Variants in ADAM22 observed in about 807,000 individuals in gnomAD.
ADAM22 encodes the protein disintegrin and metalloproteinase domain-containing protein 22.
ADAM22 carries 65 observed loss-of-function variants against 144.6 expected under a neutral mutation model. That is an observed-to-expected ratio of 0.45 (90% confidence interval 0.37 to 0.55). The LOEUF (loss-of-function observed/expected upper bound fraction) is 0.55. Among genes scored for constraint, ADAM22 ranks in the 20% least tolerant of loss-of-function variants. The pLI is 0.00. For synonymous variants in ADAM22, 391 were observed against 412.6 expected (o/e 0.95, Z 0.63); for missense variants, 974 against 1,184.9 (o/e 0.82, Z 2.61).
rs1586703896 is a variant in ADAM22 at position 88,201,804 on chromosome 7, T to G, written c.*5313T>G. ...AGACGAATTCTTAAGATAATGCACATACAGAATCATCAATAAAGTTTCAAA... is the reference window on the plus strand; with the variant it reads ...AGACGAATTCTTAAGATAATGCACAGACAGAATCATCAATAAAGTTTCAAA... On this transcript the variant is annotated 3_prime_UTR_variant, in exon 32 of 32. Coordinates refer to ENST00000413139, the MANE Select transcript of ADAM22 (RefSeq NM_001324418.2). The G allele has an allele frequency of 6.6e-6, 1 of 152,210 alleles. No homozygotes were observed. The highest frequency in any genetic ancestry group is 2.4e-5 in the African/African-American group (1 of 41,458). 9.4% of individuals were successfully genotyped at this position (152,210 alleles called of 1,614,324 possible). A position where few individuals can be genotyped will look rare whatever the true frequency, so the allele number is the denominator to read the frequency against.
At chr7:87,964,699 A>C (rs756645879) in intron 2 of ADAM22, 1 of 383,042 alleles carries the variant, frequency 2.6e-6, no homozygotes, top group Non-Finnish European at 5.0e-6. Context: ...TGCAGTACCT[A>C]TAACAAAAAT....
At chr7:88,030,972 C>T (rs995642009) in intron 3 of ADAM22, among the ~76,000 whole-genome samples, 12 of 152,040 alleles carry the variant, frequency 7.9e-5, no homozygotes, top group Admixed American at 3.9e-4. Flanking sequence ...AAAAATTAGC[C>T]GGGCGTGGTG....
Position 88,186,458 on chromosome 7 carries a change from T to C in ADAM22, c.2664-157T>C, listed in dbSNP as rs1339417837. ...AGCTGAGATTATTCTCATGTCATTG[T>C]ATAGACTGCCTCATAATCACCCAAC... On this transcript the variant is annotated intron_variant, in intron 29 of 31. Transcript: ENST00000413139. 5 of 682,224 alleles carry C rather than the reference T, an allele frequency of 7.3e-6. 1 individual carries two copies. Among genetic ancestry groups the C allele is most frequent in the East Asian group, 5.1e-5 (2 of 39,114 alleles). 42.3% of individuals were successfully genotyped at this position (682,224 alleles called of 1,614,324 possible).
At chr7:88,023,702 G>A (rs1299414195) in intron 3 of ADAM22, among the ~76,000 whole-genome samples, 5 of 152,040 alleles carry the variant, frequency 3.3e-5, no homozygotes, top group Non-Finnish European at 4.4e-5. Flanking sequence ...CACTGCCCCC[G>A]GCTTAGTTAT....
rs142184303 is a variant in ADAM22, at chr7:88,020,660, C to T, written c.323+42248C>T. On this transcript the variant is annotated intron_variant, in intron 3 of 31. Coordinates refer to ENST00000413139, the MANE Select transcript of ADAM22 (RefSeq NM_001324418.2). Reference sequence around the variant, plus strand: ...AAACCTTTGACCTCTTCCACTGCATCGCGGTGGAATAGGCCCAGGCAGTCC... The same window carrying T: ...AAACCTTTGACCTCTTCCACTGCATTGCGGTGGAATAGGCCCAGGCAGTCC... 2.4e-3 allele frequency among the ~76,000 whole-genome samples: 359 copies of T among 152,248 alleles called. 1 individual carries two copies. Among genetic ancestry groups the T allele is most frequent in the African/African-American group, 8.3e-3 (344 of 41,538 alleles).
At chr7:88,161,107 A>T (rs1414189225) in intron 22 of ADAM22, among the ~76,000 whole-genome samples, 1 of 151,986 alleles carries the variant, frequency 6.6e-6, no homozygotes, top group Non-Finnish European at 1.5e-5. Flanking sequence ...AACTTAAAGT[A>T]TAAGAATAAT....
intron 3 of ADAM22, among the ~76,000 whole-genome samples, chr7:88,040,847 A>G (rs753274984): frequency 6.6e-6 from 1 of 151,902 alleles, no homozygotes; most frequent in Non-Finnish European, 1.5e-5. Context: ...AGAGTCATTC[A>G]AGGTTGTTGG....
At chr7:87,993,062 A>C (rs530766111) in intron 3 of ADAM22, among the ~76,000 whole-genome samples, 1 of 152,266 alleles carries the variant, frequency 6.6e-6, no homozygotes, top group South Asian at 2.1e-4. Flanking sequence ...CCAAACAAGG[A>C]ATCTATTGGC....
At chr7:88,195,884 A>T (rs1436511860) in intron 31 of ADAM22, among the ~76,000 whole-genome samples, 1 of 152,066 alleles carries the variant, frequency 6.6e-6, no homozygotes, top group Non-Finnish European at 1.5e-5. Flanking sequence ...CAAGTGGGTG[A>T]TGGTGGAATT....
At chr7:88,064,867 A>G (rs1810820199) in intron 3 of ADAM22, among the ~76,000 whole-genome samples, 1 of 152,136 alleles carries the variant, frequency 6.6e-6, no homozygotes, top group African/African-American at 2.4e-5. Context: ...GCATGTTGTT[A>G]TGTGGATCAG....
chr7:88,103,492 G>A lies in ADAM22; in HGVS notation c.391-4684G>A, dbSNP rs114396604. Among the ~76,000 whole-genome samples, 692 of 151,956 alleles carry A rather than the reference G, an allele frequency of 4.6e-3. 7 individuals are homozygous for A. The highest frequency in any genetic ancestry group is 0.016 in the African/African-American group (649 of 41,454). On this transcript the variant is annotated intron_variant, in intron 4 of 31. Coordinates refer to ENST00000413139, the MANE Select transcript of ADAM22 (RefSeq NM_001324418.2). ...ACCAATAATAGACATATAAACTATC[G>A]TCTTCATTTTTATAGAGGTAGATTT...
chr7:87,999,880 G>A (rs1426045259), intron 3 of ADAM22, among the ~76,000 whole-genome samples: 2 of 151,962 alleles, frequency 1.3e-5, no homozygotes, highest in Non-Finnish European at 2.9e-5. Context: ...AGAGGCTGAG[G>A]TCGAAGGAGA....
intron 17 of ADAM22, among the ~76,000 whole-genome samples, chr7:88,148,107 G>A (rs1464124440): frequency 6.6e-6 from 1 of 152,148 alleles, no homozygotes; most frequent in African/African-American, 2.4e-5. Flanking sequence ...GGAACAGCAG[G>A]AGACTCAAAT....
At chr7:88,127,906 T>C (rs1276161379) in intron 8 of ADAM22, among the ~76,000 whole-genome samples, 1 of 152,104 alleles carries the variant, frequency 6.6e-6, no homozygotes, top group Non-Finnish European at 1.5e-5. Flanking sequence ...CTTTTCCCTG[T>C]AACTTTCATT....
In ADAM22 at chr7:88,037,356, G is replaced by C. The variant is rs550779790; in HGVS notation, c.324-38270G>C. On this transcript the variant is annotated intron_variant, in intron 3 of 31. Coordinates refer to ENST00000413139, the MANE Select transcript of ADAM22 (RefSeq NM_001324418.2). Reference sequence around the variant, plus strand: ...TAATTTTAATTCTTATTCTTCATTGGACCTATCTTATGCGTTCTACAAAAT... The same window carrying C: ...TAATTTTAATTCTTATTCTTCATTGCACCTATCTTATGCGTTCTACAAAAT... 2.0e-5 allele frequency among the ~76,000 whole-genome samples: 3 copies of C among 151,794 alleles called. No individual in the cohort carries two copies. The East Asian group carries it at 5.8e-4, about 29-fold the overall frequency.
chr7:88,063,914 G>T (rs1228572761), intron 3 of ADAM22, among the ~76,000 whole-genome samples: 1 of 152,174 alleles, frequency 6.6e-6, no homozygotes, highest in East Asian at 1.9e-4. Flanking sequence ...TTAACATCAT[G>T]CATTCTTTAT....
intron 5 of ADAM22, among the ~76,000 whole-genome samples, chr7:88,111,661 G>GCTCAATTGGTCTGTGACGAC (rs553331032): frequency 2.4e-3 from 370 of 152,164 alleles, no homozygotes; most frequent in African/African-American, 8.5e-3. Context: ...TGAAATTTTA[G>GCTCAATTGGTCTGTGACGAC]CTCAATTGGT....
chr7:88,140,922 T>C (rs1050833126), intron 14 of ADAM22, among the ~76,000 whole-genome samples: 2 of 151,892 alleles, frequency 1.3e-5, no homozygotes, highest in Non-Finnish European at 2.9e-5. Flanking sequence ...ACTAGACGAG[T>C]GTCTTCCTGA....
chr7:87,935,824 T>A (rs1224030791), intron 2 of ADAM22, among the ~76,000 whole-genome samples: 3 of 152,210 alleles, frequency 2.0e-5, no homozygotes, highest in African/African-American at 7.2e-5. Flanking sequence ...ATTATGTTTT[T>A]AAAAATCTAG....
Sources: gnomAD v4.1 joint callset for allele counts (sites outside exome capture counted in the v4.1 genomes callset) on GRCh38, gnomAD v4.1.1 for gene constraint, MANE v1.5 for transcripts, NCBI Gene and HGNC (gene_info 2026-07-23, HGNC 2026-07-21) for gene names.